Variants in ST8SIA6 observed in about 807,000 individuals in gnomAD.
ST8SIA6 encodes the protein ST8 alpha-N-acetyl-neuraminide alpha-2,8-sialyltransferase 6.
Under a neutral mutation model 33.6 loss-of-function variants are expected in ST8SIA6, and 39 were observed. That is an observed-to-expected ratio of 1.16 (90% CI 0.90 to 1.52). ST8SIA6 has a LOEUF of 1.52. Ranked by LOEUF, ST8SIA6 falls within the 40% of genes most tolerant of loss-of-function variation. The pLI, the probability that ST8SIA6 is intolerant of heterozygous loss-of-function variation, is 0.00. For missense variants in ST8SIA6, 441 were observed against 443.8 expected (o/e 0.99, Z 0.06); for synonymous variants, 172 against 167.2 (o/e 1.03, Z -0.22).
chr10:17,413,230 C>T (rs903239322), intron 2 of ST8SIA6: 1 of 151,032 alleles, frequency 6.6e-6, no homozygotes, highest in African/African-American at 2.4e-5. Context: ...TTGAACGCTT[C>T]CATTTAGTTC....
At chr10:17,438,331 A>C (rs1264446062) in intron 2 of ST8SIA6, among the ~76,000 whole-genome samples, 1 of 152,218 alleles carries the variant, frequency 6.6e-6, no homozygotes, top group Non-Finnish European at 1.5e-5. Flanking sequence ...ATTAAACCGA[A>C]TCACCTAGAT....
At chr10:17,379,257 G>A (rs1001061610) in intron 3 of ST8SIA6, among the ~76,000 whole-genome samples, 1 of 152,162 alleles carries the variant, frequency 6.6e-6, no homozygotes, top group Admixed American at 6.5e-5. Flanking sequence ...GGGTCCAGTG[G>A]AGGGAATGGG....
At chr10:17,411,777 T>C (rs1473063647) in intron 2 of ST8SIA6, among the ~76,000 whole-genome samples, 2 of 152,218 alleles carry the variant, frequency 1.3e-5, no homozygotes, top group Non-Finnish European at 2.9e-5. Flanking sequence ...TCTTGTTCTT[T>C]AATTCCTGGC....
chr10:17,390,525 A>C lies in ST8SIA6; in HGVS notation c.290+6T>G, dbSNP rs1245851770. On this transcript the variant is annotated splice_donor_region_variant and intron_variant, in intron 3 of 7. Coordinates refer to ENST00000377602, the MANE Select transcript of ST8SIA6 (RefSeq NM_001004470.3). ...AAGGAAATTAAATGTGAAGAGTAGA[A>C]CTTACCCTTTCGTTTTGTTAGAGAA... 1 of 1,607,040 alleles carries C rather than the reference A, an allele frequency of 6.2e-7. No individual in the cohort carries two copies. Among genetic ancestry groups the C allele is most frequent in the Non-Finnish European group, 8.5e-7 (1 of 1,174,494 alleles).
chr10:17,338,618 G>A (rs1212673617), intron 4 of ST8SIA6, among the ~76,000 whole-genome samples: 1 of 152,208 alleles, frequency 6.6e-6, no homozygotes, highest in African/African-American at 2.4e-5. Context: ...ATCATACAAT[G>A]TACATATAAA....
At chr10:17,352,035 A>C (rs1354197910) in intron 4 of ST8SIA6, among the ~76,000 whole-genome samples, 1 of 148,880 alleles carries the variant, frequency 6.7e-6, no homozygotes, top group East Asian at 2.2e-4. Flanking sequence ...GCAGATTTTA[A>C]ATGTTCTCAC....
intron 4 of ST8SIA6, among the ~76,000 whole-genome samples, chr10:17,342,721 C>T (rs552681205): frequency 3.3e-5 from 5 of 152,082 alleles, no homozygotes; most frequent in African/African-American, 7.2e-5. Context: ...GAGGCCAAGG[C>T]GGATGGATCA....
At chr10:17,437,719 C>G (rs970584367) in intron 2 of ST8SIA6, among the ~76,000 whole-genome samples, 1 of 147,028 alleles carries the variant, frequency 6.8e-6, no homozygotes, top group African/African-American at 2.5e-5. Flanking sequence ...TCCTTCCCTT[C>G]CCTCCCTTCC....
rs1165578414 is a variant in ST8SIA6, at chr10:17,333,672, GATATATATATATATATATATAT to G, written c.378-2142_378-2121del. ...TTCCCTACTTAATAAATGGTGCTGG[GATATATATATATATATATATAT>G]ATATATATATATATATATATATATT... On this transcript the variant is annotated intron_variant, in intron 4 of 7. Coordinates refer to ENST00000377602, the MANE Select transcript of ST8SIA6 (RefSeq NM_001004470.3). Among the ~76,000 whole-genome samples the G allele has an allele frequency of 2.4e-3, 86 of 35,192 alleles. 1 individual carries two copies. The highest frequency in any genetic ancestry group is 0.01 in the African/African-American group (65 of 6,392). The allele number at this position is 35,192 out of a possible 152,430, so 23.1% of individuals were successfully genotyped here.
At chr10:17,430,005 G>T (rs1852055037) in intron 2 of ST8SIA6, among the ~76,000 whole-genome samples, 1 of 152,124 alleles carries the variant, frequency 6.6e-6, no homozygotes, top group Non-Finnish European at 1.5e-5. Flanking sequence ...CGCCGGAGCA[G>T]TGTACATTGT....
rs538248682 is a variant in ST8SIA6, at chr10:17,453,939, G to C, written c.101+216C>G. Among the ~76,000 whole-genome samples, 40 of 152,164 alleles carry C rather than the reference G, an allele frequency of 2.6e-4. No homozygotes were observed. In the East Asian group the frequency reaches 7.2e-3, roughly 27 times the overall value. On this transcript the variant is annotated intron_variant, in intron 1 of 7. Transcript: ENST00000377602. ...CGCTAGAGCCCCCGCAGCCCTGACC[G>C]GTCCCTCTGCTCCCCAGCCGCCGTC...
At chr10:17,355,689 A>G (rs1490817449) in intron 4 of ST8SIA6, among the ~76,000 whole-genome samples, 1 of 152,228 alleles carries the variant, frequency 6.6e-6, no homozygotes, top group East Asian at 1.9e-4. Context: ...TCCCTAAAAC[A>G]GTAAATTCAA....
intron 3 of ST8SIA6, among the ~76,000 whole-genome samples, chr10:17,388,389 G>A (rs1241233656): frequency 6.6e-6 from 1 of 152,084 alleles, no homozygotes; most frequent in African/African-American, 2.4e-5. Flanking sequence ...CAGTTAAACC[G>A]GTTTACCTAC....
At chr10:17,442,286 A>G (rs1852527318) in intron 2 of ST8SIA6, among the ~76,000 whole-genome samples, 1 of 152,232 alleles carries the variant, frequency 6.6e-6, no homozygotes, top group Non-Finnish European at 1.5e-5. Flanking sequence ...CCAGGTTGTT[A>G]CAGCTTTTTC....
intron 2 of ST8SIA6, among the ~76,000 whole-genome samples, chr10:17,421,401 C>T (rs1851777211): frequency 6.6e-6 from 1 of 152,152 alleles, no homozygotes; most frequent in Non-Finnish European, 1.5e-5. Flanking sequence ...ATCCAATTTA[C>T]AGCAGTCCGT....
chr10:17,453,855 C>T (rs79275008), intron 1 of ST8SIA6, among the ~76,000 whole-genome samples, 198 bp from the exon 2 acceptor site: 1 of 152,168 alleles, frequency 6.6e-6, no homozygotes, highest in Admixed American at 6.5e-5. Context: ...AGCATGAGAT[C>T]CTGATGCGGA....
At chr10:17,364,130 C>T (rs180682883) in intron 3 of ST8SIA6, among the ~76,000 whole-genome samples, 234 of 152,292 alleles carry the variant, frequency 1.5e-3, no homozygotes, top group Middle Eastern at 3.4e-3. Flanking sequence ...TGCAATCATT[C>T]TTGCCTGTAT....
In ST8SIA6 at chr10:17,448,647, G is replaced by A. The variant is rs1050804177; in HGVS notation, c.200+4912C>T. On this transcript the variant is annotated intron_variant, in intron 2 of 7. Transcript: ENST00000377602. ...GTTGTTGTTTTTGAGACAGAGTCTC[G>A]CTCTGTCACCCAGGCTGGAGTGCAG... Among the ~76,000 whole-genome samples, 7 of 151,620 alleles carry A rather than the reference G, an allele frequency of 4.6e-5. No individual in the cohort carries two copies. The South Asian group carries it at 6.2e-4, about 14-fold the overall frequency.
intron 7 of ST8SIA6, among the ~76,000 whole-genome samples, chr10:17,322,157 AAGAG>A (rs1373576859): frequency 3.3e-5 from 5 of 150,460 alleles, no homozygotes; most frequent in South Asian, 2.1e-4. Context: ...AGAGGGAAGA[AAGAG>A]AGAAAGACGG....
Sources: allele counts gnomAD v4.1 joint callset (sites outside exome capture counted in the v4.1 genomes callset), GRCh38; gene constraint gnomAD v4.1.1; transcripts MANE v1.5; gene names NCBI Gene and HGNC (gene_info 2026-07-23, HGNC 2026-07-21).